Variants in NYAP2 observed in about 807,000 individuals in gnomAD.
The protein encoded by NYAP2 is neuronal tyrosine-phosphorylated phosphoinositide-3-kinase adaptor 2.
Under a neutral mutation model 50.4 loss-of-function variants are expected in NYAP2, and 23 were observed. The ratio of observed to expected loss-of-function variants is 0.46; its 90% confidence interval spans 0.33 to 0.65. The LOEUF (loss-of-function observed/expected upper bound fraction) is 0.65. Among genes scored for constraint, NYAP2 ranks in the 30% least tolerant of loss-of-function variants. The pLI, the probability that NYAP2 is intolerant of heterozygous loss-of-function variation, is 0.02. For missense variants in NYAP2, 885 were observed against 861.0 expected, an observed-to-expected ratio of 1.03 and a Z score of -0.35; for synonymous variants, 394 against 365.2, an observed-to-expected ratio of 1.08 and a Z score of -0.90.
At chr2:225,628,255 G>C (rs536579336) in intron 6 of NYAP2, among the ~76,000 whole-genome samples, 1 of 150,006 alleles carries the variant, frequency 6.7e-6, no homozygotes, top group South Asian at 2.1e-4. Flanking sequence ...TGATAGTAAA[G>C]TATAAATTGC....
chr2:225,613,876 T>A (rs1398034965), intron 5 of NYAP2, among the ~76,000 whole-genome samples: 2 of 152,196 alleles, frequency 1.3e-5, no homozygotes, highest in Non-Finnish European at 2.9e-5. Flanking sequence ...GTAGTTTAAT[T>A]TAATTGAAGA....
chr2:225,464,462 A>T (rs1689883588), intron 3 of NYAP2, among the ~76,000 whole-genome samples: 1 of 152,126 alleles, frequency 6.6e-6, no homozygotes, highest in African/African-American at 2.4e-5. Context: ...CAGGGAAAAT[A>T]CTTTGCGGGC....
At chr2:225,412,624 C>G (rs1695065720) in intron 3 of NYAP2, among the ~76,000 whole-genome samples, 1 of 151,958 alleles carries the variant, frequency 6.6e-6, no homozygotes, top group Non-Finnish European at 1.5e-5. Context: ...TTGTGAAAAA[C>G]CATCAGAGCA....
At chr2:225,517,600 G>T in intron 4 of NYAP2, among the ~76,000 whole-genome samples, 1 of 152,146 alleles carries the variant, frequency 6.6e-6, no homozygotes, top group East Asian at 1.9e-4. Context: ...ATCCCTCACA[G>T]CTTTATGACA....
At chr2:225,675,402 C>T in the NYAP2 span, among the ~76,000 whole-genome samples, 1 of 152,084 alleles carries the variant, frequency 6.6e-6, no homozygotes, top group Admixed American at 6.6e-5. Context: ...CAATATTTGA[C>T]TTGCTAGTAT....
chr2:225,691,107 TTGAG>T, the NYAP2 span, among the ~76,000 whole-genome samples: 8 of 152,318 alleles, frequency 5.3e-5, no homozygotes, highest in Non-Finnish European at 1.2e-4. Context: ...TACTATTTAT[TTGAG>T]TTTTTCAGAT....
At chr2:225,436,611 C>T (rs1322287266) in intron 3 of NYAP2, among the ~76,000 whole-genome samples, 3 of 151,876 alleles carry the variant, frequency 2.0e-5, no homozygotes, top group Non-Finnish European at 4.4e-5. Flanking sequence ...TTCTGAGGTA[C>T]AGGGAGTTAA....
chr2:225,581,561 GT>G (rs1383947259), intron 4 of NYAP2, among the ~76,000 whole-genome samples: 2 of 151,842 alleles, frequency 1.3e-5, no homozygotes, highest in African/African-American at 4.8e-5. Flanking sequence ...GAGACTTTAG[GT>G]TTTTTTTCCT....
chr2:225,522,911 A>C (rs1322129779), intron 4 of NYAP2, among the ~76,000 whole-genome samples: 1 of 152,178 alleles, frequency 6.6e-6, no homozygotes, highest in African/African-American at 2.4e-5. Flanking sequence ...TCCTATAAAG[A>C]ATATCTGTTG....
chr2:225,525,495 C>A (rs1246636120), intron 4 of NYAP2, among the ~76,000 whole-genome samples: 3 of 152,076 alleles, frequency 2.0e-5, no homozygotes, highest in African/African-American at 4.8e-5. Context: ...AACTGGAAGT[C>A]ATCCTAAGTG....
the NYAP2 span, among the ~76,000 whole-genome samples, chr2:225,692,878 C>A: frequency 6.6e-6 from 1 of 151,784 alleles, no homozygotes; most frequent in African/African-American, 2.4e-5. Context: ...CATACACACA[C>A]ACACACACAC....
chr2:225,570,292 T>C (rs1022091626), intron 4 of NYAP2, among the ~76,000 whole-genome samples: 2 of 152,218 alleles, frequency 1.3e-5, no homozygotes, highest in African/African-American at 4.8e-5. Flanking sequence ...TCTCATCAGA[T>C]GTCTAGAGTA....
intron 5 of NYAP2, among the ~76,000 whole-genome samples, chr2:225,612,855 C>CACACCCAATGTGTGTGATGAAATCACATA (rs1277985514): frequency 6.7e-6 from 1 of 149,956 alleles, no homozygotes; most frequent in Non-Finnish European, 1.5e-5. Context: ...GACATCACAT[C>CACACCCAATGTGTGTGATGAAATCACATA]TGGGTCTAGA....
intron 3 of NYAP2, among the ~76,000 whole-genome samples, chr2:225,495,151 T>C (rs915298726): frequency 1.3e-5 from 2 of 152,186 alleles, no homozygotes. Flanking sequence ...CAGAACCATG[T>C]TGAGACCTAT....
chr2:225,496,217 C>T (rs2106174369), intron 3 of NYAP2, among the ~76,000 whole-genome samples: 1 of 152,182 alleles, frequency 6.6e-6, no homozygotes, highest in Non-Finnish European at 1.5e-5. Flanking sequence ...GTCACACATA[C>T]AGACGCTTAA....
At chr2:225,611,423 T>G (rs1005672997) in intron 5 of NYAP2, among the ~76,000 whole-genome samples, 4 of 152,072 alleles carry the variant, frequency 2.6e-5, no homozygotes, top group African/African-American at 9.7e-5. Context: ...TCACCCTCAG[T>G]TAGTGCCTTT....
At chr2:225,581,836 C>G in intron 4 of NYAP2, 105 bp from the exon 5 acceptor site, 1 of 1,071,646 alleles carries the variant, frequency 9.3e-7, no homozygotes, top group East Asian at 2.4e-5. Flanking sequence ...ATGAAGCTGT[C>G]TACCCCTCTG....
intron 6 of NYAP2, among the ~76,000 whole-genome samples, chr2:225,639,114 A>G (rs1467003411): frequency 1.3e-5 from 2 of 152,206 alleles, no homozygotes; most frequent in Non-Finnish European, 2.9e-5. Context: ...AGCACAAGAA[A>G]GACCTTTGCT....
chr2:225,466,224 C>T (rs1291630357), intron 3 of NYAP2, among the ~76,000 whole-genome samples: 2 of 152,176 alleles, frequency 1.3e-5, no homozygotes, highest in African/African-American at 2.4e-5. Context: ...TTTATATGCC[C>T]TCTTGACAAA....
Sources: gnomAD v4.1 joint callset for allele counts (sites outside exome capture counted in the v4.1 genomes callset) on GRCh38, gnomAD v4.1.1 for gene constraint, MANE v1.5 for transcripts, NCBI Gene and HGNC (gene_info 2026-07-23, HGNC 2026-07-21) for gene names.